ARIH1: variants seen among roughly 807,000 people sequenced by gnomAD.
ARIH1 encodes ariadne RBR E3 ubiquitin protein ligase 1, also known as E3 ubiquitin-protein ligase ARIH1.
Under a neutral mutation model 85.0 loss-of-function variants are expected in ARIH1, and 8 were observed. That is an observed-to-expected ratio of 0.09 (90% CI 0.06 to 0.17). ARIH1 has a LOEUF of 0.17. Among genes scored for constraint, ARIH1 ranks in the 10% least tolerant of loss-of-function variants. The probability of loss-of-function intolerance (pLI) is 1.00; values close to 1 mark genes in which losing one functional copy is unlikely to be tolerated. For synonymous variants in ARIH1, 238 were observed against 253.6 expected (o/e 0.94, Z 0.59); for missense variants, 311 against 718.1 (o/e 0.43, Z 6.48).
At chr15:72,536,700 G>T (rs1567349994) in intron 2 of ARIH1, among the ~76,000 whole-genome samples, 1 of 152,048 alleles carries the variant, frequency 6.6e-6, no homozygotes, top group Non-Finnish European at 1.5e-5. Context: ...TTTCACTGTG[G>T]TTAGTTCCTT....
In ARIH1 at chr15:72,593,912, AAAAAG is replaced by A. The variant is rs553921121; in HGVS notation, c.*10630_*10634del. 28 of 151,818 alleles carry A rather than the reference AAAAAG, an allele frequency of 1.8e-4. No individual in the cohort carries two copies. The highest frequency in any genetic ancestry group is 4.6e-4 in the Admixed American group (7 of 15,260). 9.4% of individuals were successfully genotyped at this position (151,818 alleles called of 1,614,324 possible). A position where few individuals can be genotyped will look rare whatever the true frequency, so the allele number is the denominator to read the frequency against. ...TGACAGCAAGACCCTGTCAAAAAAA[AAAAAG>A]AAAAGAAAAAACTGCTAGAATCTTG... On this transcript the variant is annotated 3_prime_UTR_variant, in exon 14 of 14. Transcript: ENST00000379887.
At position 72,502,581 on chromosome 15, in the gene ARIH1, G is replaced by A. The variant is rs977109680; in HGVS notation, c.376-15486G>A. On this transcript the variant is annotated intron_variant, in intron 1 of 13. Coordinates refer to ENST00000379887, the MANE Select transcript of ARIH1 (RefSeq NM_005744.5). ...GCACTTTGGGAGGCTAAGACAGGCT[G>A]ATTGCTTCAGCCCAAGAGTTTCAGA... Among the ~76,000 whole-genome samples, 14 of 152,254 alleles carry A rather than the reference G, an allele frequency of 9.2e-5. No homozygotes were observed. In the South Asian group the frequency reaches 1.5e-3, roughly 16 times the overall value.
chr15:72,576,310 C>T (rs1305562782), intron 11 of ARIH1, among the ~76,000 whole-genome samples: 1 of 151,882 alleles, frequency 6.6e-6, no homozygotes, highest in African/African-American at 2.4e-5. Flanking sequence ...TGGAGACCAT[C>T]CTGGCTAACA....
chr15:72,530,456 A>G (rs1194984256), intron 2 of ARIH1, among the ~76,000 whole-genome samples: 1 of 152,204 alleles, frequency 6.6e-6, no homozygotes, highest in Non-Finnish European at 1.5e-5. Flanking sequence ...CTCCTTAAAG[A>G]CTGAAGATGA....
chr15:72,476,538 G>T (rs1030863584), intron 1 of ARIH1, among the ~76,000 whole-genome samples: 1 of 151,788 alleles, frequency 6.6e-6, no homozygotes, highest in African/African-American at 2.4e-5. Flanking sequence ...CTAATTTTTT[G>T]TATTTTTAGT....
At chr15:72,496,258 T>A (rs531199327) in intron 1 of ARIH1, among the ~76,000 whole-genome samples, 25 of 152,330 alleles carry the variant, frequency 1.6e-4, no homozygotes, top group African/African-American at 6.0e-4. Flanking sequence ...ACCTAAATAA[T>A]ACTGTTACAT....
intron 1 of ARIH1, among the ~76,000 whole-genome samples, chr15:72,513,872 CCCCCCGCCCCG>C (rs1293989065): frequency 7.5e-6 from 1 of 133,622 alleles, no homozygotes; most frequent in Non-Finnish European, 1.6e-5. Flanking sequence ...CTTCCCTCTA[CCCCCCGCCCCG>C]CCTCCGCCAA....
chr15:72,510,253 A>G (rs2063944271), intron 1 of ARIH1, among the ~76,000 whole-genome samples: 2 of 152,142 alleles, frequency 1.3e-5, no homozygotes, highest in African/African-American at 2.4e-5. Flanking sequence ...AGTCTGTGGT[A>G]TATCTTGTAT....
intron 1 of ARIH1, among the ~76,000 whole-genome samples, chr15:72,501,217 A>T (rs1417069180): frequency 2.0e-5 from 3 of 152,220 alleles, no homozygotes; most frequent in African/African-American, 7.2e-5. Context: ...TATGACTTTT[A>T]TTAGCTTTAA....
At chr15:72,547,522 C>T (rs1011424659) in intron 3 of ARIH1, among the ~76,000 whole-genome samples, 5 of 152,178 alleles carry the variant, frequency 3.3e-5, no homozygotes, top group Non-Finnish European at 2.9e-5. Flanking sequence ...TGTGCACCAC[C>T]GCACCCAACA....
At chr15:72,565,645 G>A (rs946034256) in intron 7 of ARIH1, among the ~76,000 whole-genome samples, 9 of 152,178 alleles carry the variant, frequency 5.9e-5, no homozygotes, top group Middle Eastern at 3.4e-3. Context: ...TATTTTTAGC[G>A]TGACACATTT....
intron 1 of ARIH1, among the ~76,000 whole-genome samples, chr15:72,488,199 C>G (rs2063844901): frequency 6.6e-6 from 1 of 152,064 alleles, no homozygotes; most frequent in Non-Finnish European, 1.5e-5. Context: ...CTACACCTGG[C>G]TAATTTTTTG....
At chr15:72,551,213 T>C (rs970739087) in intron 3 of ARIH1, among the ~76,000 whole-genome samples, 4 of 152,042 alleles carry the variant, frequency 2.6e-5, no homozygotes, top group Non-Finnish European at 5.9e-5. Context: ...ATAAGAAATG[T>C]GAAAGATTGC....
chr15:72,506,349 C>T lies in ARIH1; in HGVS notation c.376-11718C>T, dbSNP rs1212147582. Among the ~76,000 whole-genome samples, 4 of 6,432 alleles carry T rather than the reference C, an allele frequency of 6.2e-4. No individual in the cohort carries two copies. In the Non-Finnish European group the frequency reaches 0.024, roughly 39 times the overall value. The allele number at this position is 6,432 out of a possible 152,430, so 4.2% of individuals were successfully genotyped here. A position where few individuals can be genotyped will look rare whatever the true frequency, so the allele number is the denominator to read the frequency against. On this transcript the variant is annotated intron_variant, in intron 1 of 13. Coordinates refer to ENST00000379887, the MANE Select transcript of ARIH1 (RefSeq NM_005744.5). ...TGGGCGACAGAGCAAGACTCCGTCTCACAAAAAAAAAAAAAAGAAAAAAAA... is the reference window on the plus strand; with the variant it reads ...TGGGCGACAGAGCAAGACTCCGTCTTACAAAAAAAAAAAAAAGAAAAAAAA...
At position 72,518,102 on chromosome 15, in the gene ARIH1, C is replaced by G; in HGVS notation, c.411C>G (p.His137Gln). 1 of 1,611,752 alleles carries G rather than the reference C, an allele frequency of 6.2e-7. No individual in the cohort carries two copies. The highest frequency in any genetic ancestry group is 8.5e-7 in the Non-Finnish European group (1 of 1,178,372). The change falls in exon 2 of 14, where the codon CAC becomes CAG. Residue 137 changes from histidine (H) to glutamine (Q), a missense_variant. Physicochemically the swap from His to Gln is conservative, Grantham distance 24 (BLOSUM62 0). Around this residue, in one of 3 missense-constraint regions of ARIH1, gnomAD observed 104 missense variants for 221.4 expected, o/e 0.47. Coordinates refer to ENST00000379887, the MANE Select transcript of ARIH1 (RefSeq NM_005744.5). ...CTATCACAAGAATACTCCTTAGCCA[C>G]TTCAATTGGGATAAAGAGAAGCTAA... ...PATITRILLSHFNWDKEKLME... is the reference protein window; with the variant it reads ...PATITRILLSQFNWDKEKLME...
chr15:72,564,576 C>T (rs924956998), intron 7 of ARIH1, among the ~76,000 whole-genome samples: 12 of 152,150 alleles, frequency 7.9e-5, no homozygotes, highest in East Asian at 3.9e-4. Flanking sequence ...AGTTTCAAAT[C>T]GGCTTTCACA....
intron 11 of ARIH1, among the ~76,000 whole-genome samples, chr15:72,576,392 C>T (rs1281758456): frequency 6.6e-6 from 1 of 150,826 alleles, no homozygotes; most frequent in Middle Eastern, 3.2e-3. Context: ...TGTAGTCCCA[C>T]CTACTCCAGA....
intron 2 of ARIH1, among the ~76,000 whole-genome samples, chr15:72,526,078 C>A (rs571995724): frequency 6.6e-6 from 1 of 152,156 alleles, no homozygotes; most frequent in South Asian, 2.1e-4. Context: ...TTTGTAACAT[C>A]GTATTTTTTA....
At chr15:72,486,946 C>A (rs1595849382) in intron 1 of ARIH1, among the ~76,000 whole-genome samples, 1 of 152,126 alleles carries the variant, frequency 6.6e-6, no homozygotes, top group South Asian at 2.1e-4. Flanking sequence ...CCGCCCTCCT[C>A]AGCCTCCCAA....
Sources: allele counts gnomAD v4.1 joint callset (sites outside exome capture counted in the v4.1 genomes callset), GRCh38; gene constraint gnomAD v4.1.1; regional missense constraint gnomAD v4.1.1; transcripts MANE v1.5; gene names NCBI Gene and HGNC (gene_info 2026-07-23, HGNC 2026-07-21).